Variants in SORCS1 observed in about 807,000 individuals in gnomAD.
SORCS1 encodes sortilin related VPS10 domain containing receptor 1.
Under a neutral mutation model 146.1 loss-of-function variants are expected in SORCS1, and 60 were observed. The ratio of observed to expected loss-of-function variants is 0.41; its 90% CI spans 0.33 to 0.51. The LOEUF (loss-of-function observed/expected upper bound fraction) is 0.51, where lower values mean the gene tolerates loss of function less well. SORCS1 is among the 20% of genes least tolerant of loss of function. The pLI, the probability that SORCS1 is intolerant of heterozygous loss-of-function variation, is 0.21. For missense variants in SORCS1, 1,352 were observed against 1,487.6 expected (o/e 0.91, Z 1.50); for synonymous variants, 637 against 584.0 (o/e 1.09, Z -1.31).
chr10:106,789,130 C>A (rs11193051), intron 3 of SORCS1, among the ~76,000 whole-genome samples: 1 of 152,192 alleles, frequency 6.6e-6, no homozygotes, highest in East Asian at 1.9e-4. Flanking sequence ...GCCACGCCTG[C>A]GACAGAGGGC....
At chr10:107,119,158 A>C (rs531235215) in intron 1 of SORCS1, among the ~76,000 whole-genome samples, 2 of 152,374 alleles carry the variant, frequency 1.3e-5, no homozygotes, top group East Asian at 3.9e-4. Flanking sequence ...GTGAAAGGAA[A>C]AGGCAAAATA....
intron 2 of SORCS1, among the ~76,000 whole-genome samples, chr10:106,901,547 C>T (rs1951700664): frequency 6.6e-6 from 1 of 152,200 alleles, no homozygotes; most frequent in Non-Finnish European, 1.5e-5. Flanking sequence ...ATCCTCCTGC[C>T]TCAGCCTCCC....
At chr10:106,913,420 A>T (rs920377466) in intron 2 of SORCS1, among the ~76,000 whole-genome samples, 1 of 152,210 alleles carries the variant, frequency 6.6e-6, no homozygotes, top group Non-Finnish European at 1.5e-5. Context: ...AGACCCAGGA[A>T]CTGACTTCAT....
At chr10:106,785,100 C>T (rs116372139) in intron 3 of SORCS1, among the ~76,000 whole-genome samples, 1,579 of 152,266 alleles carry the variant, frequency 0.01, 25 homozygotes, top group African/African-American at 0.035. Context: ...CACTGATTAC[C>T]TCAAACTGAG....
intron 2 of SORCS1, among the ~76,000 whole-genome samples, chr10:106,911,645 C>T (rs1171194641): frequency 6.6e-6 from 1 of 152,168 alleles, no homozygotes; most frequent in African/African-American, 2.4e-5. Context: ...CTCGGCTGAT[C>T]CAAGAACTCC....
Position 106,944,870 on chromosome 10 carries a change from CCTT to C in SORCS1, c.626+11640_626+11642del, listed in dbSNP as rs1564838002. Among the ~76,000 whole-genome samples the C allele has an allele frequency of 3.5e-4, 18 of 51,830 alleles. 1 individual carries two copies. In the East Asian group the frequency reaches 5.5e-3, roughly 16 times the overall value. The allele number at this position is 51,830 out of a possible 152,430, so 34.0% of individuals were successfully genotyped here. ...TATGGTAGAAAGAAGCAAGAAAGAG[CCTT>C]CTTTTTTTTTTTTTTTTTTTTTTTT... On this transcript the variant is annotated intron_variant, in intron 2 of 25. Coordinates refer to ENST00000263054, the MANE Select transcript of SORCS1 (RefSeq NM_052918.5).
intron 17 of SORCS1, chr10:106,667,039 AT>A (rs1337653156): frequency 6.6e-6 from 1 of 152,244 alleles, no homozygotes; most frequent in African/African-American, 2.4e-5. Context: ...TCTACACACT[AT>A]TTTAAAGTTT....
chr10:106,731,066 T>C (rs1385628330), intron 5 of SORCS1, among the ~76,000 whole-genome samples: 3 of 150,982 alleles, frequency 2.0e-5, no homozygotes, highest in Admixed American at 6.6e-5. Flanking sequence ...TCCCAGCACT[T>C]TGGGAGGCTG....
At chr10:106,844,121 C>A (rs530036190) in intron 2 of SORCS1, among the ~76,000 whole-genome samples, 54 of 152,310 alleles carry the variant, frequency 3.5e-4, no homozygotes, top group Middle Eastern at 6.8e-3. Flanking sequence ...TTTTAACTTG[C>A]ATTTCCCTGA....
At chr10:106,743,323 G>A (rs1857489398) in intron 5 of SORCS1, among the ~76,000 whole-genome samples, 2 of 152,122 alleles carry the variant, frequency 1.3e-5, no homozygotes, top group Non-Finnish European at 2.9e-5. Context: ...CTATTCCACA[G>A]GGGTCACCAT....
intron 2 of SORCS1, among the ~76,000 whole-genome samples, chr10:106,877,567 G>C (rs537838914): frequency 6.6e-6 from 1 of 152,226 alleles, no homozygotes; most frequent in Admixed American, 6.5e-5. Context: ...TATAGGCCCA[G>C]CAAAAACATG....
intron 23 of SORCS1, among the ~76,000 whole-genome samples, chr10:106,602,719 C>A (rs2133353870): frequency 6.6e-6 from 1 of 152,294 alleles, no homozygotes; most frequent in Middle Eastern, 3.4e-3. Context: ...CCACCTCTTA[C>A]CTCCTCCACT....
At chr10:107,171,716 A>G in the SORCS1 span, among the ~76,000 whole-genome samples, 8,796 of 151,974 alleles carry the variant, frequency 0.058, 323 homozygotes, top group Non-Finnish European at 0.084. Context: ...GGGTTTCACC[A>G]TGTTGTCCTG....
At chr10:107,011,427 C>A (rs1957691603) in intron 1 of SORCS1, among the ~76,000 whole-genome samples, 2 of 152,180 alleles carry the variant, frequency 1.3e-5, no homozygotes, top group South Asian at 4.1e-4. Context: ...TGTCTCCAGA[C>A]AAATTCATGC....
At chr10:106,858,078 G>A (rs930969661) in intron 2 of SORCS1, among the ~76,000 whole-genome samples, 2 of 152,078 alleles carry the variant, frequency 1.3e-5, no homozygotes, top group African/African-American at 4.8e-5. Context: ...ATTAGCTAAG[G>A]GGATTAAACA....
At chr10:107,175,075 T>G in the SORCS1 span, among the ~76,000 whole-genome samples, 1 of 152,244 alleles carries the variant, frequency 6.6e-6, no homozygotes, top group Non-Finnish European at 1.5e-5. Flanking sequence ...TTATCAAATG[T>G]GAAGCTAATT....
rs1230094954 is a variant in SORCS1 at position 106,760,883 on chromosome 10, GACC to G, written c.959+702_959+704del. ...GCACTTTGGGAAGCTGAGGTGGGTG[GACC>G]ACTTGAGGTCAGGAGTTCAAGACCA... On this transcript the variant is annotated intron_variant, in intron 5 of 25. Coordinates refer to ENST00000263054, the MANE Select transcript of SORCS1 (RefSeq NM_052918.5). Among the ~76,000 whole-genome samples, 21 of 152,202 alleles carry G rather than the reference GACC, an allele frequency of 1.4e-4. No individual in the cohort carries two copies. The South Asian group carries it at 2.7e-3, about 20-fold the overall frequency.
In SORCS1 at chr10:107,164,139, C is replaced by T; in HGVS notation, c.388G>A (p.Gly130Arg). ...TGCTGCCCTCCATCTCTTAGCACTC[C>T]CCGGGGGCTCCGACTCGCGCCCTCT... ...RGEGASRSPR[G>R]VLRDGGQQEP... Residue 130 changes from glycine (G) to arginine (R), a missense_variant, in exon 1 of 26, where the codon GGA (glycine) becomes AGA (arginine). Around this residue, in one of 3 missense-constraint regions of SORCS1, gnomAD observed 490 missense variants for 489.1 expected, o/e 1.00. Transcript: ENST00000263054. The surrounding 1 kb of genome is among the most constrained non-coding windows in gnomAD (Gnocchi z 6.8). The T allele has an allele frequency of 6.2e-7, 1 of 1,613,344 alleles. No individual in the cohort carries two copies. The highest frequency in any genetic ancestry group is 8.5e-7 in the Non-Finnish European group (1 of 1,179,998).
In SORCS1 at chr10:107,164,464, C is replaced by G. The variant is rs568647489; in HGVS notation, c.63G>C (p.Ala21=). Residue 21 remains alanine (A), a synonymous_variant, in exon 1 of 26, where the codon GCG becomes GCC. Coordinates refer to ENST00000263054, the MANE Select transcript of SORCS1 (RefSeq NM_052918.5). The surrounding 1 kb of genome is among the most constrained non-coding windows in gnomAD (Gnocchi z 6.8). The stretch of plus-strand genomic sequence containing the variant: ...CCGGGGCGCAGAGGATCAAGAGCCC[C>G]GCGCCGGCGAGGAGCGCGCTCAGCC... ...QARLSALLAG[A]GLLILCAPGV... 1.2e-5 allele frequency: 16 copies of G among 1,368,700 alleles called. No homozygotes were observed. The highest frequency in any genetic ancestry group is 1.1e-4 in the African/African-American group (7 of 65,164). 84.8% of individuals were successfully genotyped at this position (1,368,700 alleles called of 1,614,324 possible).
Sources: gnomAD v4.1 joint callset for allele counts (sites outside exome capture counted in the v4.1 genomes callset) on GRCh38, gnomAD v4.1.1 for gene constraint, gnomAD v4.1.1 regional missense constraint, Gnocchi (gnomAD v3.1) non-coding constraint, MANE v1.5 for transcripts, NCBI Gene and HGNC (gene_info 2026-07-23, HGNC 2026-07-21) for gene names.